Variants in AP3D1 observed in about 807,000 individuals in gnomAD.
The protein encoded by AP3D1 is AP-3 complex subunit delta-1.
A neutral mutation model predicts 147.6 loss-of-function variants in AP3D1; 51 were observed. The ratio of observed to expected loss-of-function variants is 0.35; its 90% CI spans 0.28 to 0.44. AP3D1 has a LOEUF of 0.44. Ranked by LOEUF, AP3D1 falls within the 20% of genes least tolerant of loss-of-function variation. The pLI is 1.00. For synonymous variants in AP3D1, 760 were observed against 663.0 expected, an observed-to-expected ratio of 1.15 and a Z score of -2.25; for missense variants, 1,421 against 1,624.2, an observed-to-expected ratio of 0.87 and a Z score of 2.15.
intron 27 of AP3D1, 25 bp from the exon 28 acceptor site, chr19:2,110,249 G>A (rs758934812): frequency 6.2e-7 from 1 of 1,601,958 alleles, no homozygotes; most frequent in African/African-American, 1.3e-5. Context: ...AGGGAGTGGG[G>A]CCTGAGACGC....
At chr19:2,120,118 T>C (rs1327513951) in intron 14 of AP3D1, among the ~76,000 whole-genome samples, 4 of 151,572 alleles carry the variant, frequency 2.6e-5, no homozygotes, top group Non-Finnish European at 4.4e-5. Context: ...CGGCCAGTGG[T>C]GGTGATGGGG....
intron 1 of AP3D1, among the ~76,000 whole-genome samples, chr19:2,157,660 AAAAC>A (rs774937524): frequency 9.5e-5 from 14 of 147,802 alleles, no homozygotes; most frequent in Non-Finnish European, 1.5e-4. Flanking sequence ...TTAGTTGAAA[AAAAC>A]AAACATCCAC....
intron 1 of AP3D1, among the ~76,000 whole-genome samples, chr19:2,146,175 C>T (rs2019351529): frequency 6.6e-6 from 1 of 152,222 alleles, no homozygotes; most frequent in South Asian, 2.1e-4. Context: ...ACAGCTCCCT[C>T]CCCACCATGA....
At chr19:2,105,952 C>G (rs1285452741) in intron 31 of AP3D1, among the ~76,000 whole-genome samples, 1 of 152,076 alleles carries the variant, frequency 6.6e-6, no homozygotes, top group Non-Finnish European at 1.5e-5. Flanking sequence ...AAAAGATTAT[C>G]CAGGCGTGGT....
At chr19:2,106,165 C>A (rs916253075) in intron 31 of AP3D1, among the ~76,000 whole-genome samples, 3 of 152,112 alleles carry the variant, frequency 2.0e-5, no homozygotes, top group Non-Finnish European at 4.4e-5. Context: ...CGGCAGCAGG[C>A]GGGAAACAAA....
chr19:2,155,037 G>A (rs530388511), upstream of AP3D1, among the ~76,000 whole-genome samples: 21 of 152,100 alleles, frequency 1.4e-4, no homozygotes, highest in Admixed American at 3.9e-4. Context: ...AAAATTAGCC[G>A]GGCGTGGTGG....
At chr19:2,109,241 G>A in intron 29 of AP3D1, 34 bp from the exon 30 acceptor site, 1 of 1,540,490 alleles carries the variant, frequency 6.5e-7, no homozygotes, top group African/African-American at 1.4e-5. Context: ...ACTGCGGTGG[G>A]GCCGGGCTCC....
intron 1 of AP3D1, among the ~76,000 whole-genome samples, chr19:2,140,235 G>A (rs143769226): frequency 5.9e-5 from 9 of 152,252 alleles, no homozygotes; most frequent in South Asian, 4.1e-4. Context: ...GATGTCAAAC[G>A]GCGCGGCTGC....
At chr19:2,121,669 C>G in intron 12 of AP3D1, 65 bp downstream of exon 12, 1 of 1,519,974 alleles carries the variant, frequency 6.6e-7, no homozygotes, top group Non-Finnish European at 8.8e-7. Flanking sequence ...GGCTCTGCAC[C>G]TGACACTTAA....
At chr19:2,151,926 A>C (rs2019537629), upstream of AP3D1, among the ~76,000 whole-genome samples, 1 of 152,212 alleles carries the variant, frequency 6.6e-6, no homozygotes, top group Admixed American at 6.5e-5. Context: ...CCCGAGGAAG[A>C]CTGGAGCTCC....
At chr19:2,130,038 T>G (rs914655545) in intron 6 of AP3D1, among the ~76,000 whole-genome samples, 1 of 152,100 alleles carries the variant, frequency 6.6e-6, no homozygotes, top group Non-Finnish European at 1.5e-5. Flanking sequence ...ACACCACAAA[T>G]ACACAACAGC....
rs1016180481 is a variant in AP3D1, at chr19:2,129,136, G to A, written c.760C>T (p.Arg254Trp). ...GGCTCGATCAGCTTCTTGCCCAGCC[G>A]CGGTTCCAAAGGAGTAAGAGCACCG... ...LFGALTPLEP[R>W]LGKKLIEPLT... Residue 254 changes from arginine to tryptophan, a missense_variant, in exon 8 of 32, where the codon CGG (arginine) becomes TGG (tryptophan). By Grantham distance (101) the Arg-to-Trp change is moderately radical. Around this residue, in one of 6 missense-constraint regions of AP3D1, gnomAD observed 292 missense variants for 412.0 expected, o/e 0.71. Coordinates refer to ENST00000643116, the MANE Select transcript of AP3D1 (RefSeq NM_001261826.3). 7 of 1,600,140 alleles carry A rather than the reference G, an allele frequency of 4.4e-6. No individual in the cohort carries two copies. Among genetic ancestry groups the A allele is most frequent in the African/African-American group, 1.3e-5 (1 of 74,924 alleles).
intron 29 of AP3D1, 26 bp from the exon 30 acceptor site, chr19:2,109,233 T>C (rs1325078529): frequency 1.3e-6 from 2 of 1,556,260 alleles, no homozygotes; most frequent in Admixed American, 2.1e-5. Flanking sequence ...GGAGGCTGAC[T>C]GCGGTGGGGC....
At position 2,117,203 on chromosome 19, in the gene AP3D1, C is replaced by T. The variant is rs748522501; in HGVS notation, c.1859+19G>A. 5.1e-6 allele frequency: 8 copies of T among 1,576,334 alleles called. No homozygotes were observed. In the Admixed American group the frequency reaches 5.5e-5, roughly 11 times the overall value. On this transcript the variant is annotated intron_variant, in intron 16 of 31. Coordinates refer to ENST00000643116, the MANE Select transcript of AP3D1 (RefSeq NM_001261826.3). ...ATGTCAGGGCCATGGTTGCAATGCC[C>T]CCACCCCCGTATCCTTACCCTTCGG...
At position 2,151,356 on chromosome 19, in the gene AP3D1, G is replaced by A; in HGVS notation, c.-22C>T. 6.6e-7 allele frequency: 1 copy of A among 1,512,960 alleles called. No homozygotes were observed. The highest frequency in any genetic ancestry group is 8.9e-7 in the Non-Finnish European group (1 of 1,123,186). 93.7% of individuals were successfully genotyped at this position (1,512,960 alleles called of 1,614,324 possible). The stretch of plus-strand genomic sequence containing the variant: ...CCATCGCGGCGGCCCACGGGCTTTT[G>A]CCTCGGGAGGCCCGCGGCTGGGCGC... On this transcript the variant is annotated 5_prime_UTR_variant, in exon 1 of 32. Coordinates refer to ENST00000643116, the MANE Select transcript of AP3D1 (RefSeq NM_001261826.3).
intron 31 of AP3D1, among the ~76,000 whole-genome samples, chr19:2,107,018 C>A (rs1056885508): frequency 2.0e-5 from 3 of 152,240 alleles, no homozygotes; most frequent in African/African-American, 7.2e-5. Context: ...AATCCCAGCA[C>A]TTTGGGAGGC....
intron 5 of AP3D1, among the ~76,000 whole-genome samples, chr19:2,131,567 C>T (rs35500266): frequency 0.16 from 12,863 of 79,900 alleles, 3,625 homozygotes; most frequent in Non-Finnish European, 0.27. Flanking sequence ...GCGGGGACAG[C>T]GCCCATCGGC....
chr19:2,116,563 A>T (rs758088756), intron 17 of AP3D1, 42 bp downstream of exon 17: 2 of 1,529,362 alleles, frequency 1.3e-6, no homozygotes, highest in Non-Finnish European at 1.8e-6. Flanking sequence ...CTGGGACAGG[A>T]GGGAGGAGAC....
At chr19:2,109,988 G>C (rs2145011395) in intron 28 of AP3D1, 30 bp from the exon 29 acceptor site, 1 of 1,611,348 alleles carries the variant, frequency 6.2e-7, no homozygotes, top group African/African-American at 1.3e-5. Context: ...GTGCAGTTGA[G>C]AGGGGAGTCG....
Sources: allele counts gnomAD v4.1 joint callset (sites outside exome capture counted in the v4.1 genomes callset), GRCh38; gene constraint gnomAD v4.1.1; regional missense constraint gnomAD v4.1.1; transcripts MANE v1.5; gene names NCBI Gene and HGNC (gene_info 2026-07-23, HGNC 2026-07-21).